Variants in PLCB1 observed in about 807,000 individuals in gnomAD.
The protein encoded by PLCB1 is phospholipase C beta 1, also known as 1-phosphatidylinositol 4,5-bisphosphate phosphodiesterase beta-1.
A neutral mutation model predicts 161.8 loss-of-function variants in PLCB1; 46 were observed. The ratio of observed to expected loss-of-function variants is 0.28; its 90% CI spans 0.22 to 0.36. The LOEUF (loss-of-function observed/expected upper bound fraction) is 0.36. PLCB1 is among the 10% of genes least tolerant of loss of function. The pLI is 1.00. For missense variants in PLCB1, 1,016 were observed against 1,472.5 expected (o/e 0.69, Z 5.07); for synonymous variants, 517 against 503.7 (o/e 1.03, Z -0.35).
intron 12 of PLCB1, 99 bp from the exon 13 acceptor site, chr20:8,716,165 G>A: frequency 1.2e-6 from 1 of 829,232 alleles, no homozygotes; most frequent in South Asian, 1.5e-5. Context: ...TGGGATTAGA[G>A]AATTACTTCT....
chr20:8,399,827 C>T (rs1364116213), intron 3 of PLCB1, among the ~76,000 whole-genome samples: 1 of 151,946 alleles, frequency 6.6e-6, no homozygotes, highest in East Asian at 1.9e-4. Flanking sequence ...TAGATTTACC[C>T]ACAAAGTCCC....
At chr20:8,436,435 GAAAA>G (rs987763897) in intron 3 of PLCB1, among the ~76,000 whole-genome samples, 1 of 120,244 alleles carries the variant, frequency 8.3e-6, no homozygotes, top group Non-Finnish European at 1.7e-5. Context: ...TTGTGTTCAA[GAAAA>G]AAAAAACAAG....
chr20:8,264,844 A>G (rs1198365371), intron 2 of PLCB1, among the ~76,000 whole-genome samples: 2 of 152,168 alleles, frequency 1.3e-5, no homozygotes, highest in African/African-American at 4.8e-5. Flanking sequence ...AGCAAATGAC[A>G]GATATGAAGT....
chr20:8,198,172 A>G (rs1263971513), intron 2 of PLCB1, among the ~76,000 whole-genome samples: 2 of 152,158 alleles, frequency 1.3e-5, no homozygotes, highest in Non-Finnish European at 1.5e-5. Flanking sequence ...TGAACTTTAA[A>G]GTAGTTTTTT....
intron 23 of PLCB1, among the ~76,000 whole-genome samples, chr20:8,744,631 A>AAAATTAAAATT (rs1981066076): frequency 1.3e-5 from 2 of 148,234 alleles, no homozygotes; most frequent in Non-Finnish European, 3.0e-5. Context: ...AAAATAAAAT[A>AAAATTAAAATT]AAATAAAATA....
At chr20:8,826,124 A>G (rs1985683451) in intron 31 of PLCB1, among the ~76,000 whole-genome samples, 1 of 152,126 alleles carries the variant, frequency 6.6e-6, no homozygotes, top group African/African-American at 2.4e-5. Context: ...TTGAGAAGAG[A>G]AGTCTTAGCT....
At chr20:8,282,383 G>A (rs1180633114) in intron 2 of PLCB1, among the ~76,000 whole-genome samples, 2 of 152,152 alleles carry the variant, frequency 1.3e-5, no homozygotes, top group Non-Finnish European at 2.9e-5. Context: ...TAGGTCACCT[G>A]TTGAGTAAAA....
At chr20:8,411,370 T>C (rs1375813126) in intron 3 of PLCB1, among the ~76,000 whole-genome samples, 1 of 152,206 alleles carries the variant, frequency 6.6e-6, no homozygotes, top group Non-Finnish European at 1.5e-5. Context: ...TTTACCTTTT[T>C]AAAAAATGTG....
In PLCB1 at chr20:8,169,457, T is replaced by G. The variant is rs576375942; in HGVS notation, c.177+19086T>G. Among the ~76,000 whole-genome samples the G allele has an allele frequency of 1.0e-3, 156 of 152,286 alleles. 3 individuals are homozygous for G. Among genetic ancestry groups the G allele is most frequent in the African/African-American group, 3.6e-3 (149 of 41,558 alleles). ...TCTGAAACACTTGGCACAACACACA[T>G]GCTGATAGGTGCTTCACAACTGCTA... is the stretch of plus-strand genomic sequence containing the variant. On this transcript the variant is annotated intron_variant, in intron 2 of 31. Transcript: ENST00000338037.
chr20:8,849,798 A>G (rs1986824557), intron 31 of PLCB1, among the ~76,000 whole-genome samples: 1 of 152,124 alleles, frequency 6.6e-6, no homozygotes, highest in Non-Finnish European at 1.5e-5. Flanking sequence ...GCGGATCACG[A>G]GGTCAAGAGA....
intron 2 of PLCB1, among the ~76,000 whole-genome samples, chr20:8,291,197 T>C (rs1983367806): frequency 6.6e-6 from 1 of 152,138 alleles, no homozygotes; most frequent in Non-Finnish European, 1.5e-5. Flanking sequence ...AGGAATAAAA[T>C]AGTGCCTTCC....
intron 3 of PLCB1, among the ~76,000 whole-genome samples, chr20:8,593,841 C>G (rs980195814): frequency 6.6e-6 from 1 of 152,032 alleles, no homozygotes; most frequent in Admixed American, 6.6e-5. Flanking sequence ...CTGAGGCTTA[C>G]TTTCTGCAAA....
At chr20:8,335,319 C>T (rs1027416191) in intron 2 of PLCB1, among the ~76,000 whole-genome samples, 1 of 152,210 alleles carries the variant, frequency 6.6e-6, no homozygotes, top group Admixed American at 6.5e-5. Context: ...GCTGTCACAA[C>T]CATTCACGAC....
chr20:8,220,216 A>G (rs577978572), intron 2 of PLCB1, among the ~76,000 whole-genome samples: 1 of 152,294 alleles, frequency 6.6e-6, no homozygotes, highest in African/African-American at 2.4e-5. Flanking sequence ...TATGTATAAC[A>G]TTTTTAAGAT....
chr20:8,310,141 C>T lies in PLCB1; in HGVS notation c.178-61241C>T, dbSNP rs974026066. On this transcript the variant is annotated intron_variant, in intron 2 of 31. Transcript: ENST00000338037. The stretch of plus-strand genomic sequence containing the variant: ...GATTTCAAGGAGTTTACCTTCAGAG[C>T]TTTTGTTTTTGTTACGGTGGGTCTC... Among the ~76,000 whole-genome samples the T allele has an allele frequency of 7.9e-5, 12 of 151,652 alleles. No homozygotes were observed. The East Asian group carries it at 2.3e-3, about 29-fold the overall frequency.
At chr20:8,658,444 A>G (rs1989526490) in intron 8 of PLCB1, 94 bp from the exon 9 acceptor site, 2 of 934,166 alleles carry the variant, frequency 2.1e-6, no homozygotes, top group East Asian at 2.6e-5. Flanking sequence ...TTTCTTATCA[A>G]GTATAAGATT....
At chr20:8,645,295 A>T (rs995711936) in intron 4 of PLCB1, among the ~76,000 whole-genome samples, 9 of 141,584 alleles carry the variant, frequency 6.4e-5, no homozygotes, top group African/African-American at 2.6e-4. Context: ...AACACCCAAG[A>T]ATGATCAATA....
At chr20:8,171,057 G>T (rs1292574933) in intron 2 of PLCB1, among the ~76,000 whole-genome samples, 1 of 152,128 alleles carries the variant, frequency 6.6e-6, no homozygotes, top group Non-Finnish European at 1.5e-5. Context: ...GATTACTCCA[G>T]TTATATTTTC....
chr20:8,512,026 T>C (rs543314933), intron 3 of PLCB1, among the ~76,000 whole-genome samples: 5 of 152,294 alleles, frequency 3.3e-5, no homozygotes, highest in African/African-American at 4.8e-5. Context: ...TGTATGATCA[T>C]TATTTTAAAC....
Sources: gnomAD v4.1 joint callset for allele counts (sites outside exome capture counted in the v4.1 genomes callset) on GRCh38, gnomAD v4.1.1 for gene constraint, MANE v1.5 for transcripts, NCBI Gene and HGNC (gene_info 2026-07-23, HGNC 2026-07-21) for gene names.